Variants in B4GALNT3 observed in about 807,000 individuals in gnomAD.
The protein encoded by B4GALNT3 is beta-1,4-N-acetylgalactosaminyltransferase 3.
Under a neutral mutation model 120.2 loss-of-function variants are expected in B4GALNT3, and 86 were observed. The ratio of observed to expected loss-of-function variants is 0.72; its 90% confidence interval spans 0.60 to 0.86. B4GALNT3 has a LOEUF of 0.86. Among genes scored for constraint, B4GALNT3 ranks in the 40% least tolerant of loss-of-function variants. B4GALNT3 has a pLI of 0.00. For synonymous variants in B4GALNT3, 518 were observed against 510.4 expected (o/e 1.01, Z -0.20); for missense variants, 1,167 against 1,298.9 (o/e 0.90, Z 1.56).
chr12:518,166 C>G (rs970435308), intron 1 of B4GALNT3, among the ~76,000 whole-genome samples: 3 of 152,176 alleles, frequency 2.0e-5, no homozygotes, highest in Admixed American at 1.3e-4. Context: ...TATTAAGGAA[C>G]TTGCCAAAGG....
intron 1 of B4GALNT3, among the ~76,000 whole-genome samples, chr12:486,407 A>G (rs1483695982): frequency 6.6e-6 from 1 of 151,758 alleles, no homozygotes; most frequent in Non-Finnish European, 1.5e-5. Context: ...ATGGGGTTTC[A>G]CCATCTTGGC....
intron 1 of B4GALNT3, among the ~76,000 whole-genome samples, chr12:533,948 G>A (rs1259248962): frequency 6.6e-6 from 1 of 152,190 alleles, no homozygotes; most frequent in Non-Finnish European, 1.5e-5. Flanking sequence ...TTCTGTGTCT[G>A]CGTGGCTGTC....
Position 544,919 on chromosome 12 carries a change from A to G in B4GALNT3, c.485A>G (p.Lys162Arg), listed in dbSNP as rs543480116. Residue 162 changes from lysine to arginine, a missense_variant, in exon 5 of 20, where the codon AAA (lysine) becomes AGA (arginine). By Grantham distance (26) the Lys-to-Arg change is conservative (BLOSUM62 2). Coordinates refer to ENST00000266383, the MANE Select transcript of B4GALNT3 (RefSeq NM_173593.4). ...TTLRKLAVSP[K>R]WTNYGLRIFG... ...CTGAGGAAGCTTGCTGTGTCCCCCA[A>G]ATGGACCAACTATGGCCTCCGCATC... is the stretch of plus-strand genomic sequence containing the variant. 8 of 1,613,908 alleles carry G rather than the reference A, an allele frequency of 5.0e-6. No homozygotes were observed. The Admixed American group carries it at 5.0e-5, about 10-fold the overall frequency.
intron 1 of B4GALNT3, among the ~76,000 whole-genome samples, chr12:506,395 T>C (rs950318563): frequency 6.6e-6 from 1 of 152,176 alleles, no homozygotes; most frequent in Admixed American, 6.5e-5. Context: ...GACAATGAAA[T>C]ACAGAGAAGT....
intron 3 of B4GALNT3, among the ~76,000 whole-genome samples, chr12:542,935 G>T (rs1422155218): frequency 1.9e-4 from 29 of 152,030 alleles, no homozygotes; most frequent in Admixed American, 1.9e-3. Context: ...GGTAGATAAG[G>T]TTTCACCGGC....
chr12:489,326 T>TAAA (rs200845116), intron 1 of B4GALNT3, among the ~76,000 whole-genome samples: 3 of 112,706 alleles, frequency 2.7e-5, no homozygotes, highest in African/African-American at 9.7e-5. Context: ...TCCCAGAACT[T>TAAA]AAAAAAAAAA....
chr12:549,521 G>A (rs1025284710), intron 9 of B4GALNT3, among the ~76,000 whole-genome samples: 46 of 152,242 alleles, frequency 3.0e-4, no homozygotes, highest in African/African-American at 1.0e-3. Context: ...TGAGAAAGAG[G>A]TGTCTTTTTC....
At chr12:477,931 A>G (rs1375729096) in intron 1 of B4GALNT3, among the ~76,000 whole-genome samples, 1 of 152,176 alleles carries the variant, frequency 6.6e-6, no homozygotes, top group African/African-American at 2.4e-5. Flanking sequence ...AGAGGTAGCA[A>G]CAAATAGGTT....
chr12:527,346 C>T (rs1307430982), intron 1 of B4GALNT3, among the ~76,000 whole-genome samples: 1 of 152,224 alleles, frequency 6.6e-6, no homozygotes, highest in Non-Finnish European at 1.5e-5. Flanking sequence ...GATGCCCTCT[C>T]TTGGGCCCCC....
chr12:551,424 G>T (rs150138997), intron 11 of B4GALNT3, among the ~76,000 whole-genome samples: 116 of 152,324 alleles, frequency 7.6e-4, no homozygotes, highest in Middle Eastern at 3.4e-3. Flanking sequence ...GGCACTGGGG[G>T]AAAAAGAGCT....
intron 1 of B4GALNT3, among the ~76,000 whole-genome samples, chr12:483,632 A>T (rs1184762249): frequency 1.3e-5 from 2 of 152,218 alleles, no homozygotes; most frequent in Non-Finnish European, 2.9e-5. Flanking sequence ...CGGGAGGCAG[A>T]GGTTGCAGAG....
chr12:546,552 C>T, intron 6 of B4GALNT3, 94 bp from the exon 7 acceptor site: 2 of 1,149,818 alleles, frequency 1.7e-6, no homozygotes, highest in Non-Finnish European at 1.3e-6. Context: ...TTTTCTCTCA[C>T]TTCTTGGTTC....
At chr12:514,440 G>A (rs1035732630) in intron 1 of B4GALNT3, among the ~76,000 whole-genome samples, 23 of 151,342 alleles carry the variant, frequency 1.5e-4, no homozygotes, top group East Asian at 2.0e-4. Context: ...CTCGTGATCT[G>A]CCCGCCTCGG....
At chr12:555,492 G>A (rs915041513) in intron 14 of B4GALNT3, 1 of 405,116 alleles carries the variant, frequency 2.5e-6, no homozygotes, top group East Asian at 7.8e-5. Context: ...TCCGTTGAAG[G>A]ACATGTGGGT....
intron 1 of B4GALNT3, among the ~76,000 whole-genome samples, chr12:471,170 C>T (rs968720194): frequency 2.7e-5 from 4 of 150,512 alleles, no homozygotes; most frequent in Admixed American, 6.6e-5. Context: ...AGGCAGAGTT[C>T]GAGGTCAGGA....
At chr12:554,721 C>T (rs1314762419) in intron 14 of B4GALNT3, among the ~76,000 whole-genome samples, 7 of 116,442 alleles carry the variant, frequency 6.0e-5, no homozygotes, top group African/African-American at 1.7e-4. Flanking sequence ...ACCCGGGAGG[C>T]GGAGCTTGCA....
intron 1 of B4GALNT3, among the ~76,000 whole-genome samples, chr12:509,309 A>G (rs1339846372): frequency 6.6e-6 from 1 of 152,214 alleles, no homozygotes; most frequent in African/African-American, 2.4e-5. Context: ...ATAAATGAAC[A>G]TTAGAAGGTG....
intron 1 of B4GALNT3, among the ~76,000 whole-genome samples, chr12:510,608 T>A (rs1413470216): frequency 3.6e-5 from 4 of 112,438 alleles, no homozygotes; most frequent in African/African-American, 1.4e-4. Flanking sequence ...GTAAACGGTC[T>A]GGGTACAAAG....
chr12:545,762 G>A (rs1946993353), intron 6 of B4GALNT3, among the ~76,000 whole-genome samples: 1 of 134,958 alleles, frequency 7.4e-6, no homozygotes, highest in Non-Finnish European at 1.6e-5. Flanking sequence ...GTGAGGAGTG[G>A]GGAGGTGAGA....
Sources: gnomAD v4.1 joint callset for allele counts (sites outside exome capture counted in the v4.1 genomes callset) on GRCh38, gnomAD v4.1.1 for gene constraint, MANE v1.5 for transcripts, NCBI Gene and HGNC (gene_info 2026-07-23, HGNC 2026-07-21) for gene names.